The following USP32 variants were observed in gnomAD, a reference collection of about 807,000 sequenced individuals.
The protein encoded by USP32 is ubiquitin carboxyl-terminal hydrolase 32.
A neutral mutation model predicts 204.8 loss-of-function variants in USP32; 59 were observed. That is an observed-to-expected ratio of 0.29 (90% CI 0.23 to 0.36). USP32 has a LOEUF of 0.36. USP32 is among the 10% of genes least tolerant of loss of function. The probability of loss-of-function intolerance (pLI) is 1.00; values close to 1 mark genes in which losing one functional copy is unlikely to be tolerated. For missense variants in USP32, 1,160 were observed against 1,946.4 expected, an observed-to-expected ratio of 0.60 and a Z score of 7.60; for synonymous variants, 517 against 678.4, an observed-to-expected ratio of 0.76 and a Z score of 3.70.
At chr17:60,401,957 C>G (rs2089938971) in intron 1 of USP32, among the ~76,000 whole-genome samples, 1 of 152,162 alleles carries the variant, frequency 6.6e-6, no homozygotes, top group Non-Finnish European at 1.5e-5. Context: ...TCTCCCCTAA[C>G]TCTTATAGTA....
At chr17:60,225,966 AAAAAG>A in intron 13 of USP32, 68 bp downstream of exon 13, 12 of 1,436,376 alleles carry the variant, frequency 8.4e-6, no homozygotes, top group South Asian at 7.0e-5. Context: ...AAAAAAAAAA[AAAAAG>A]AAAAGAAAAG....
intron 5 of USP32, among the ~76,000 whole-genome samples, chr17:60,287,050 T>C (rs1363046138): frequency 6.6e-6 from 1 of 152,154 alleles, no homozygotes; most frequent in Non-Finnish European, 1.5e-5. Context: ...CTCAGGAGGC[T>C]GAGGCAGAAG....
chr17:60,240,197 G>A (rs920528189), intron 11 of USP32, among the ~76,000 whole-genome samples: 2 of 152,184 alleles, frequency 1.3e-5, no homozygotes, highest in South Asian at 2.1e-4. Context: ...ACACTTTCTT[G>A]TTTCTGCAAT....
chr17:60,364,817 A>T (rs1349352941), intron 1 of USP32, among the ~76,000 whole-genome samples: 2 of 152,240 alleles, frequency 1.3e-5, no homozygotes, highest in African/African-American at 4.8e-5. Context: ...TCCATTGTTC[A>T]CTAATGTTTG....
intron 1 of USP32, among the ~76,000 whole-genome samples, chr17:60,345,990 A>G (rs1455180089): frequency 6.6e-6 from 1 of 152,182 alleles, no homozygotes; most frequent in East Asian, 1.9e-4. Flanking sequence ...TCAAAAAAAT[A>G]AATAAATAAA....
At chr17:60,345,737 T>G in intron 1 of USP32, 129 bp from the exon 2 acceptor site, 1 of 1,201,830 alleles carries the variant, frequency 8.3e-7, no homozygotes, top group East Asian at 2.5e-5. Context: ...ATCCCAGTAC[T>G]TTGGAAGGCC....
At chr17:60,361,333 G>A (rs1017827686) in intron 1 of USP32, among the ~76,000 whole-genome samples, 3 of 151,980 alleles carry the variant, frequency 2.0e-5, no homozygotes, top group South Asian at 2.1e-4. Flanking sequence ...AACTTACAGC[G>A]GTTAGCATAT....
chr17:60,259,395 A>T (rs2086397890), intron 9 of USP32, among the ~76,000 whole-genome samples: 1 of 152,184 alleles, frequency 6.6e-6, no homozygotes. Flanking sequence ...AAAACAAAAA[A>T]ATGAAAAAAT....
At chr17:60,256,119 G>A (rs896501761) in intron 9 of USP32, among the ~76,000 whole-genome samples, 8 of 151,906 alleles carry the variant, frequency 5.3e-5, no homozygotes, top group African/African-American at 1.9e-4. Context: ...CAAGAGGATC[G>A]CTTGAGCCCA....
At chr17:60,418,464 G>A (rs868329638) in intron 1 of USP32, among the ~76,000 whole-genome samples, 4 of 127,712 alleles carry the variant, frequency 3.1e-5, no homozygotes, top group South Asian at 2.4e-4. Context: ...TCTCAGAATT[G>A]TGTTCTGTCA....
At chr17:60,215,762 A>G (rs2085085452) in intron 16 of USP32, among the ~76,000 whole-genome samples, 1 of 152,194 alleles carries the variant, frequency 6.6e-6, no homozygotes, top group African/African-American at 2.4e-5. Flanking sequence ...GTTTTTTATT[A>G]TCATTATTTG....
At chr17:60,279,964 C>T (rs1325634813) in intron 5 of USP32, among the ~76,000 whole-genome samples, 1 of 151,656 alleles carries the variant, frequency 6.6e-6, no homozygotes, top group Non-Finnish European at 1.5e-5. Context: ...AACACTTGAA[C>T]TTTGGGCTAA....
chr17:60,331,348 T>C (rs546544977), intron 2 of USP32, among the ~76,000 whole-genome samples: 11 of 152,218 alleles, frequency 7.2e-5, no homozygotes, highest in South Asian at 2.1e-4. Flanking sequence ...GGCGGACTGC[T>C]TGAGTCCAGG....
intron 5 of USP32, among the ~76,000 whole-genome samples, chr17:60,279,768 C>T (rs1001049137): frequency 6.6e-6 from 1 of 150,400 alleles, no homozygotes; most frequent in African/African-American, 2.4e-5. Context: ...GCCTAGGAGG[C>T]GGAGGTTGCA....
At chr17:60,369,547 TGTAAGA>T (rs2089396556) in intron 1 of USP32, among the ~76,000 whole-genome samples, 1 of 152,024 alleles carries the variant, frequency 6.6e-6, no homozygotes, top group Non-Finnish European at 1.5e-5. Flanking sequence ...TTCAGATATA[TGTAAGA>T]GTAAAAATGT....
intron 5 of USP32, among the ~76,000 whole-genome samples, chr17:60,273,170 G>A (rs558907969): frequency 2.0e-5 from 3 of 152,076 alleles, no homozygotes; most frequent in East Asian, 1.9e-4. Context: ...ATGGAGTTTC[G>A]CCGTATCACC....
At chr17:60,398,133 G>A (rs902992872) in intron 1 of USP32, among the ~76,000 whole-genome samples, 6 of 152,210 alleles carry the variant, frequency 3.9e-5, no homozygotes, top group African/African-American at 1.4e-4. Context: ...GGGCAGCCAA[G>A]GCAGTAGGAT....
chr17:60,363,981 C>A (rs1288864362), intron 1 of USP32, among the ~76,000 whole-genome samples: 2 of 152,000 alleles, frequency 1.3e-5, no homozygotes, highest in Admixed American at 1.3e-4. Context: ...CTATTATTCC[C>A]CCAAAACATG....
chr17:60,264,673 A>G (rs925039484), intron 9 of USP32, among the ~76,000 whole-genome samples: 2 of 152,044 alleles, frequency 1.3e-5, no homozygotes, highest in Admixed American at 1.3e-4. Flanking sequence ...CCTGGCCAAC[A>G]TAACGAAACC....
Sources: gnomAD v4.1 joint callset for allele counts (sites outside exome capture counted in the v4.1 genomes callset) on GRCh38, gnomAD v4.1.1 for gene constraint, MANE v1.5 for transcripts, NCBI Gene and HGNC (gene_info 2026-07-23, HGNC 2026-07-21) for gene names.